EPHA6: variants seen among roughly 807,000 people sequenced by gnomAD.
EPHA6 encodes ephrin type-A receptor 6.
In EPHA6, 50 loss-of-function variants were observed where a neutral mutation model predicts 112.0. The observed-to-expected ratio is 0.45, with a 90% CI of 0.36 to 0.56. The LOEUF is 0.56. Ranked by LOEUF, EPHA6 falls within the 20% of genes least tolerant of loss-of-function variation. EPHA6 has a pLI of 0.00. For synonymous variants in EPHA6, 529 were observed against 490.7 expected (o/e 1.08, Z -1.03); for missense variants, 1,280 against 1,417.4 (o/e 0.90, Z 1.56).
At chr3:96,942,823 C>T (rs190900864) in intron 2 of EPHA6, among the ~76,000 whole-genome samples, 3 of 152,068 alleles carry the variant, frequency 2.0e-5, no homozygotes, top group African/African-American at 7.2e-5. Context: ...TTTCCTAAGC[C>T]TAGGAGAACT....
intron 3 of EPHA6, among the ~76,000 whole-genome samples, chr3:97,023,219 C>T (rs550453679): frequency 9.3e-4 from 141 of 152,218 alleles, no homozygotes; most frequent in Non-Finnish European, 1.7e-3. Context: ...GCTGGGACTA[C>T]AGGCACATGC....
intron 2 of EPHA6, among the ~76,000 whole-genome samples, chr3:96,913,198 ACACACACACACACAC>A (rs2039311193): frequency 1.6e-5 from 2 of 123,274 alleles, no homozygotes; most frequent in African/African-American, 3.0e-5. Context: ...ACACACACAC[ACACACACACACACAC>A]CACACACACG....
chr3:96,984,630 G>T (rs1002142319), intron 2 of EPHA6, among the ~76,000 whole-genome samples: 8 of 152,282 alleles, frequency 5.3e-5, no homozygotes, highest in African/African-American at 1.7e-4. Context: ...TCTTTTGTTT[G>T]TCTATGCCCT....
intron 5 of EPHA6, among the ~76,000 whole-genome samples, chr3:97,330,634 C>A (rs1490079739): frequency 6.6e-6 from 1 of 151,890 alleles, no homozygotes; most frequent in Non-Finnish European, 1.5e-5. Context: ...CAACAAAGAT[C>A]AAAAGAGACA....
chr3:97,701,259 C>T (rs897514844), intron 14 of EPHA6, among the ~76,000 whole-genome samples: 1 of 152,070 alleles, frequency 6.6e-6, no homozygotes, highest in African/African-American at 2.4e-5. Flanking sequence ...CAAAAGGATA[C>T]CCACATGGTG....
rs548811018 is a variant in EPHA6, at chr3:97,303,974, A to G, written c.1606+59687A>G. The stretch of plus-strand genomic sequence containing the variant: ...GCCCTTCACTTCCCTTGTTAGCTGT[A>G]TTCCTAGGTATTTTACTGTCTTTGT... On this transcript the variant is annotated intron_variant, in intron 5 of 17. Coordinates refer to ENST00000389672, the MANE Select transcript of EPHA6 (RefSeq NM_001080448.3). Among the ~76,000 whole-genome samples the G allele has an allele frequency of 2.6e-5, 4 of 152,080 alleles. No homozygotes were observed. The South Asian group carries it at 8.3e-4, about 32-fold the overall frequency.
At chr3:97,357,309 T>A (rs779338811) in intron 5 of EPHA6, among the ~76,000 whole-genome samples, 49 of 152,100 alleles carry the variant, frequency 3.2e-4, no homozygotes, top group Non-Finnish European at 6.2e-4. Flanking sequence ...CAGGTTCAAG[T>A]GATTCTTGTG....
chr3:97,309,808 T>C (rs564406175), intron 5 of EPHA6, among the ~76,000 whole-genome samples: 8 of 151,752 alleles, frequency 5.3e-5, no homozygotes, highest in African/African-American at 1.9e-4. Flanking sequence ...AAATTTATGA[T>C]GAACAAACAA....
chr3:97,139,822 G>A (rs1200047863), intron 3 of EPHA6, among the ~76,000 whole-genome samples: 1 of 152,106 alleles, frequency 6.6e-6, no homozygotes, highest in Non-Finnish European at 1.5e-5. Flanking sequence ...CTGTAGCAGT[G>A]GATCCTAACC....
chr3:96,866,277 C>T (rs528643025), intron 1 of EPHA6, among the ~76,000 whole-genome samples: 3 of 152,032 alleles, frequency 2.0e-5, no homozygotes, highest in East Asian at 1.9e-4. Context: ...ATGGTTTTTA[C>T]GTTTGGTTTC....
At chr3:97,279,080 A>ATTCTTTAC (rs1482968641) in intron 5 of EPHA6, among the ~76,000 whole-genome samples, 1 of 152,162 alleles carries the variant, frequency 6.6e-6, no homozygotes, top group Non-Finnish European at 1.5e-5. Context: ...TTACTAGTGG[A>ATTCTTTAC]TTCTTTACAA....
intron 11 of EPHA6, among the ~76,000 whole-genome samples, chr3:97,542,428 C>G (rs2092873882): frequency 6.6e-6 from 1 of 152,130 alleles, no homozygotes; most frequent in Admixed American, 6.6e-5. Context: ...ATGAACTCAT[C>G]ATTTTTTATG....
intron 3 of EPHA6, among the ~76,000 whole-genome samples, chr3:97,034,740 G>GCA (rs1318634545): frequency 2.6e-5 from 4 of 151,682 alleles, no homozygotes; most frequent in Non-Finnish European, 5.9e-5. Flanking sequence ...ATGGTTATGT[G>GCA]CACACACACA....
chr3:96,927,936 C>G (rs778191700), intron 2 of EPHA6, among the ~76,000 whole-genome samples: 2 of 152,162 alleles, frequency 1.3e-5, no homozygotes, highest in Non-Finnish European at 2.9e-5. Flanking sequence ...ACATTTAACT[C>G]ATGGCAGAAG....
Position 97,085,518 on chromosome 3 carries a change from G to T in EPHA6, c.1114+97525G>T, listed in dbSNP as rs79964478. On this transcript the variant is annotated intron_variant, in intron 3 of 17. Transcript: ENST00000389672. ...TTGGGGGTACTAGAGAGTATCGACTGTTCTGTCATATGTCATATATGCTTT... is the reference window on the plus strand; with the variant it reads ...TTGGGGGTACTAGAGAGTATCGACTTTTCTGTCATATGTCATATATGCTTT... Among the ~76,000 whole-genome samples, 586 of 152,224 alleles carry T rather than the reference G, an allele frequency of 3.8e-3. 6 individuals carry two copies. Among genetic ancestry groups the T allele is most frequent in the African/African-American group, 0.014 (569 of 41,544 alleles).
At chr3:97,091,060 G>C (rs879526975) in intron 3 of EPHA6, among the ~76,000 whole-genome samples, 1 of 152,008 alleles carries the variant, frequency 6.6e-6, no homozygotes, top group Non-Finnish European at 1.5e-5. Flanking sequence ...TTTCACAAAG[G>C]CCTTGTAGTT....
intron 6 of EPHA6, among the ~76,000 whole-genome samples, chr3:97,432,861 C>T (rs2089599844): frequency 6.6e-6 from 1 of 152,116 alleles, no homozygotes; most frequent in South Asian, 2.1e-4. Flanking sequence ...GAAACCACCC[C>T]CATGACCCAA....
intron 3 of EPHA6, among the ~76,000 whole-genome samples, chr3:97,160,905 C>G (rs1417023445): frequency 6.6e-6 from 1 of 152,128 alleles, no homozygotes; most frequent in East Asian, 1.9e-4. Context: ...ATCTATAAAT[C>G]AGGTACCAGG....
At chr3:97,463,256 G>A (rs1195796793) in intron 7 of EPHA6, among the ~76,000 whole-genome samples, 1 of 151,958 alleles carries the variant, frequency 6.6e-6, no homozygotes, top group Non-Finnish European at 1.5e-5. Context: ...GCAGTAAGTA[G>A]CACGACTTTC....
Sources: gnomAD v4.1 joint callset for allele counts (sites outside exome capture counted in the v4.1 genomes callset) on GRCh38, gnomAD v4.1.1 for gene constraint, MANE v1.5 for transcripts, NCBI Gene and HGNC (gene_info 2026-07-23, HGNC 2026-07-21) for gene names.